WASL: variants seen among roughly 807,000 people sequenced by gnomAD.
WASL encodes the protein WASP like actin nucleation promoting factor.
A neutral mutation model predicts 55.5 loss-of-function variants in WASL; 20 were observed. That is an observed-to-expected ratio of 0.36 (90% CI 0.25 to 0.52). WASL has a LOEUF of 0.52. Among genes scored for constraint, WASL ranks in the 20% least tolerant of loss-of-function variants. WASL has a pLI of 0.92. For synonymous variants in WASL, 249 were observed against 217.6 expected (o/e 1.14, Z -1.27); for missense variants, 504 against 622.5 (o/e 0.81, Z 2.03).
Position 123,683,776 on chromosome 7 carries a change from A to C in WASL, c.*743T>G, listed in dbSNP as rs901403815. 2 of 152,008 alleles carry C rather than the reference A, an allele frequency of 1.3e-5. No individual in the cohort carries two copies. Among genetic ancestry groups the C allele is most frequent in the African/African-American group, 4.8e-5 (2 of 41,428 alleles). 9.4% of individuals were successfully genotyped at this position (152,008 alleles called of 1,614,324 possible). A position where few individuals can be genotyped will look rare whatever the true frequency, so the allele number is the denominator to read the frequency against. ...TCAGAGTAATACCAAAAAAATTTTC[A>C]AAAATTTTGCTAAAAAGAGCCTGTC... On this transcript the variant is annotated 3_prime_UTR_variant, in exon 11 of 11. Coordinates refer to ENST00000223023, the MANE Select transcript of WASL (RefSeq NM_003941.4).
chr7:123,702,114 G>C (rs1285573533), intron 5 of WASL, among the ~76,000 whole-genome samples: 1 of 152,050 alleles, frequency 6.6e-6, no homozygotes, highest in Non-Finnish European at 1.5e-5. Flanking sequence ...GAGTGCAATG[G>C]TGTGATCTCG....
At chr7:123,689,192 G>A (rs1338409780) in intron 9 of WASL, 42 bp from the exon 10 acceptor site, 1 of 1,529,284 alleles carries the variant, frequency 6.5e-7, no homozygotes, top group Non-Finnish European at 9.0e-7. Context: ...TAAATCTTTA[G>A]CCAAGAATCT....
chr7:123,692,680 C>A lies in WASL; in HGVS notation c.1014G>T (p.Pro338=). The A allele has an allele frequency of 1.3e-6, 2 of 1,537,334 alleles. No homozygotes were observed. Among genetic ancestry groups the A allele is most frequent in the African/African-American group, 1.4e-5 (1 of 71,860 alleles). Residue 338 remains proline, a synonymous_variant, in exon 9 of 11, where the codon CCG becomes CCT. Transcript: ENST00000223023. ...SRPSVAVPPP[P]PNRMYPPPPP... ...GTGGAGGAGGGTACATCCTATTTGG[C>A]GGTGGTGGAGGGACTGCTACACTTG...
intron 1 of WASL, among the ~76,000 whole-genome samples, chr7:123,727,130 A>G (rs150585186): frequency 0.016 from 2,451 of 152,244 alleles, 28 homozygotes; most frequent in Non-Finnish European, 0.027. Flanking sequence ...CCACACTGAG[A>G]TGCCATTTCA....
intron 1 of WASL, among the ~76,000 whole-genome samples, chr7:123,722,727 C>G (rs1584868568): frequency 2.0e-5 from 3 of 152,060 alleles, no homozygotes; most frequent in Admixed American, 2.0e-4. Flanking sequence ...ATTGCTTGAA[C>G]CTGGGAGGCA....
rs1803501206 is a variant in WASL, at chr7:123,696,829, T to C, written c.461-82A>G. 3.1e-6 allele frequency: 3 copies of C among 977,734 alleles called. No homozygotes were observed. In the South Asian group the frequency reaches 1.1e-4, roughly 36 times the overall value. 60.6% of individuals were successfully genotyped at this position (977,734 alleles called of 1,614,324 possible). ...ATCATAATTTACAATTTAAATACTT[T>C]TTCTGAAATAGGATCACTTCATTAT... is the stretch of plus-strand genomic sequence containing the variant. On this transcript the variant is annotated intron_variant, in intron 5 of 10. Transcript: ENST00000223023.
In WASL at chr7:123,694,916, A is replaced by G. The variant is rs773879601; in HGVS notation, c.673-48T>C. 1.9e-6 allele frequency: 3 copies of G among 1,558,282 alleles called. No individual in the cohort carries two copies. In the East Asian group the frequency reaches 6.8e-5, roughly 35 times the overall value. ...ACTATAAAAATATATCCCAATTTAAAAAACATAATTTTAAGTCTCATCTGT... is the reference window on the plus strand; with the variant it reads ...ACTATAAAAATATATCCCAATTTAAGAAACATAATTTTAAGTCTCATCTGT... On this transcript the variant is annotated intron_variant, in intron 7 of 10. Coordinates refer to ENST00000223023, the MANE Select transcript of WASL (RefSeq NM_003941.4).
intron 1 of WASL, among the ~76,000 whole-genome samples, chr7:123,738,757 C>CTT (rs144348257): frequency 3.3e-5 from 5 of 151,620 alleles, no homozygotes; most frequent in Non-Finnish European, 7.4e-5. Flanking sequence ...GGACTTAGTC[C>CTT]TTTTTTTTGC....
At chr7:123,735,360 C>A (rs1804207931) in intron 1 of WASL, among the ~76,000 whole-genome samples, 2 of 133,792 alleles carry the variant, frequency 1.5e-5, no homozygotes, top group Admixed American at 7.8e-5. Context: ...GGCATTCAAT[C>A]AAAAGTTGCC....
chr7:123,688,021 A>C (rs1489228451), intron 10 of WASL, among the ~76,000 whole-genome samples: 1 of 152,212 alleles, frequency 6.6e-6, no homozygotes, highest in Non-Finnish European at 1.5e-5. Context: ...ACAAACAAGA[A>C]ACTGAGGCTC....
At chr7:123,719,429 A>T (rs186248812) in intron 1 of WASL, among the ~76,000 whole-genome samples, 1 of 152,288 alleles carries the variant, frequency 6.6e-6, no homozygotes, top group Admixed American at 6.5e-5. Context: ...GCCTATGGGA[A>T]CTGTGAAGTC....
At position 123,684,434 on chromosome 7, in the gene WASL, A is replaced by G; in HGVS notation, c.*85T>C. The G allele has an allele frequency of 2.1e-6, 1 of 466,758 alleles. No individual in the cohort carries two copies. The highest frequency in any genetic ancestry group is 5.0e-5 in the South Asian group (1 of 19,834). The allele number at this position is 466,758 out of a possible 1,614,324, so 28.9% of individuals were successfully genotyped here. On this transcript the variant is annotated 3_prime_UTR_variant, in exon 11 of 11. Coordinates refer to ENST00000223023, the MANE Select transcript of WASL (RefSeq NM_003941.4). ...TATACAGCAAATTGGTAGAACATTTACATGATAATTTTACAGAATCCACAG... is the reference window on the plus strand; with the variant it reads ...TATACAGCAAATTGGTAGAACATTTGCATGATAATTTTACAGAATCCACAG...
intron 1 of WASL, among the ~76,000 whole-genome samples, chr7:123,729,320 T>A (rs1271522611): frequency 6.6e-6 from 1 of 152,208 alleles, no homozygotes; most frequent in Non-Finnish European, 1.5e-5. Context: ...ACATCTCAAT[T>A]TGAATTAATT....
chr7:123,726,881 T>C (rs1388860286), intron 1 of WASL, among the ~76,000 whole-genome samples: 1 of 151,748 alleles, frequency 6.6e-6, no homozygotes, highest in Admixed American at 6.6e-5. Flanking sequence ...ATAATAATAA[T>C]AATAATTAGG....
chr7:123,737,596 CA>C (rs34669724), intron 1 of WASL, among the ~76,000 whole-genome samples: 94 of 72,814 alleles, frequency 1.3e-3, no homozygotes, highest in Middle Eastern at 8.6e-3. Context: ...CTCCGTCTCC[CA>C]AAAAAAAAAA....
chr7:123,732,120 G>T (rs1804148539), intron 1 of WASL, among the ~76,000 whole-genome samples: 1 of 152,246 alleles, frequency 6.6e-6, no homozygotes, highest in South Asian at 2.1e-4. Flanking sequence ...GAGATCAGGA[G>T]ATCAAGACCA....
Position 123,684,492 on chromosome 7 carries a change from AAT to A in WASL, c.*25_*26del, listed in dbSNP as rs5887151. On this transcript the variant is annotated 3_prime_UTR_variant, in exon 11 of 11. Transcript: ENST00000223023. Reference sequence around the variant, plus strand: ...GTAGTGTTTAGTATTTCACCTTAAAAATATATATATATATATAATATATAGAT... The same window carrying A: ...GTAGTGTTTAGTATTTCACCTTAAAAATATATATATATATAATATATAGAT... 229,698 of 490,754 alleles carry A rather than the reference AAT, an allele frequency of 0.47. 42,254 individuals carry two copies. Among genetic ancestry groups the A allele is most frequent in the South Asian group, 0.61 (10,976 of 18,046 alleles). 30.4% of individuals were successfully genotyped at this position (490,754 alleles called of 1,614,324 possible).
At chr7:123,724,156 A>ATATCAAAT (rs1227382766) in intron 1 of WASL, among the ~76,000 whole-genome samples, 2 of 152,212 alleles carry the variant, frequency 1.3e-5, no homozygotes, top group African/African-American at 4.8e-5. Flanking sequence ...AATATTTGAA[A>ATATCAAAT]ACGTAACAGG....
chr7:123,708,013 C>T (rs928444832), intron 2 of WASL, among the ~76,000 whole-genome samples: 3 of 152,006 alleles, frequency 2.0e-5, no homozygotes, highest in African/African-American at 7.3e-5. Context: ...CAGCAGAACC[C>T]ATCTCTATAA....
Sources: allele counts gnomAD v4.1 joint callset (sites outside exome capture counted in the v4.1 genomes callset), GRCh38; gene constraint gnomAD v4.1.1; transcripts MANE v1.5; gene names NCBI Gene and HGNC (gene_info 2026-07-23, HGNC 2026-07-21).